Variants in ELAPOR1 observed in about 807,000 individuals in gnomAD.
ELAPOR1 encodes the protein endosome-lysosome associated apoptosis and autophagy regulator 1, also known as endosome/lysosome-associated apoptosis and autophagy regulator 1.
ELAPOR1 carries 77 observed loss-of-function variants against 119.7 expected under a neutral mutation model. The observed-to-expected ratio is 0.64, with a 90% CI of 0.54 to 0.78. The LOEUF is 0.78. ELAPOR1 is among the 30% of genes least tolerant of loss of function. ELAPOR1 has a pLI of 0.00. For synonymous variants in ELAPOR1, 481 were observed against 487.2 expected (o/e 0.99, Z 0.17); for missense variants, 1,115 against 1,270.4 (o/e 0.88, Z 1.86).
chr1:109,151,301 A>C (rs1650516963), intron 1 of ELAPOR1, among the ~76,000 whole-genome samples: 1 of 152,042 alleles, frequency 6.6e-6, no homozygotes, highest in Non-Finnish European at 1.5e-5. Context: ...GGCCCTATTG[A>C]GTCAGCAGTC....
At chr1:109,181,730 T>C (rs557330879) in intron 7 of ELAPOR1, among the ~76,000 whole-genome samples, 1 of 152,304 alleles carries the variant, frequency 6.6e-6, no homozygotes, top group South Asian at 2.1e-4. Flanking sequence ...CATGGGTCCC[T>C]CTGTGCTGAA....
chr1:109,139,827 A>G (rs559414389), intron 1 of ELAPOR1, among the ~76,000 whole-genome samples: 4 of 151,958 alleles, frequency 2.6e-5, no homozygotes, highest in East Asian at 1.9e-4. Context: ...GCTGGAGTGC[A>G]GTGGCATGAT....
At chr1:109,160,115 T>C (rs1421253332) in intron 1 of ELAPOR1, among the ~76,000 whole-genome samples, 4 of 152,084 alleles carry the variant, frequency 2.6e-5, no homozygotes, top group Admixed American at 6.6e-5. Context: ...GACATCTACA[T>C]CCAAAGCCAA....
intron 1 of ELAPOR1, among the ~76,000 whole-genome samples, chr1:109,118,274 G>A (rs1037492990): frequency 4.4e-4 from 67 of 152,296 alleles, no homozygotes; most frequent in Middle Eastern, 3.4e-3. Context: ...TTGACGAAAG[G>A]TCCACATGTG....
chr1:109,124,120 A>G (rs1455109068), intron 1 of ELAPOR1, among the ~76,000 whole-genome samples: 2 of 152,216 alleles, frequency 1.3e-5, no homozygotes, highest in African/African-American at 4.8e-5. Flanking sequence ...GTAATTATCC[A>G]TAAGTGTGTT....
chr1:109,158,480 C>T (rs944486305), intron 1 of ELAPOR1, among the ~76,000 whole-genome samples: 1 of 151,996 alleles, frequency 6.6e-6, no homozygotes, highest in African/African-American at 2.4e-5. Flanking sequence ...TTTCCTCTTC[C>T]TTCTCATGTG....
intron 1 of ELAPOR1, among the ~76,000 whole-genome samples, chr1:109,143,866 G>A (rs889815316): frequency 1.3e-5 from 2 of 150,860 alleles, no homozygotes; most frequent in Non-Finnish European, 3.0e-5. Flanking sequence ...TCGCCATGTT[G>A]CCCAGGCTGA....
chr1:109,188,334 G>T lies in ELAPOR1; in HGVS notation c.1199G>T (p.Gly400Val). The change falls in exon 9 of 22, where the codon GGT becomes GTT. Residue 400 changes from glycine (G) to valine (V), a missense_variant. Gly to Val is a moderately radical substitution (Grantham distance 109, BLOSUM62 -3). Coordinates refer to ENST00000369939, the MANE Select transcript of ELAPOR1 (RefSeq NM_020775.5). ...NNSTCQPCPY[G>V]SYSNGSDCTR... ...AGCACCTGCCAGCCCTGCCCATATG[G>T]TTCCTACTCCAATGGCTCAGGTAAC... 2 of 1,613,088 alleles carry T rather than the reference G, an allele frequency of 1.2e-6. No homozygotes were observed. Among genetic ancestry groups the T allele is most frequent in the Non-Finnish European group, 1.7e-6 (2 of 1,179,168 alleles).
At position 109,191,847 on chromosome 1, in the gene ELAPOR1, C is replaced by T; in HGVS notation, c.1667C>T (p.Thr556Ile). ...AGCTTCACCTGGGCCTTCCAGAGGA[C>T]CACTTTTCATGAGGCAGTAAGTTCC... ...TTSFTWAFQR[T>I]TFHEASRKYT... is the part of the protein sequence containing the mutation. Residue 556 changes from threonine (T) to isoleucine (I), a missense_variant, in exon 13 of 22, where the codon ACC becomes ATC. Physicochemically the swap from Thr to Ile is moderately conservative, Grantham distance 89. Transcript: ENST00000369939. 4 of 1,614,196 alleles carry T rather than the reference C, an allele frequency of 2.5e-6. No homozygotes were observed. Among genetic ancestry groups the T allele is most frequent in the Non-Finnish European group, 3.4e-6 (4 of 1,180,014 alleles).
At chr1:109,125,518 G>A (rs1465002278) in intron 1 of ELAPOR1, among the ~76,000 whole-genome samples, 3 of 151,740 alleles carry the variant, frequency 2.0e-5, no homozygotes, top group Admixed American at 1.3e-4. Context: ...TCAGCCTCCC[G>A]AGTAACTGGG....
chr1:109,171,183 T>C (rs1390426981), intron 3 of ELAPOR1, among the ~76,000 whole-genome samples: 1 of 152,172 alleles, frequency 6.6e-6, no homozygotes. Context: ...TTTCCTCTTA[T>C]TGATGAAAAT....
chr1:109,188,360 C>T lies in ELAPOR1; in HGVS notation c.1219+6C>T. ...TTCCTACTCCAATGGCTCAGGTAAC[C>T]TCCTCACCACCCCACTCTCTGCAGC... On this transcript the variant is annotated splice_donor_region_variant and intron_variant, in intron 9 of 21. Coordinates refer to ENST00000369939, the MANE Select transcript of ELAPOR1 (RefSeq NM_020775.5). 6.2e-7 allele frequency: 1 copy of T among 1,605,898 alleles called. No homozygotes were observed. Among genetic ancestry groups the T allele is most frequent in the East Asian group, 2.2e-5 (1 of 44,662 alleles).
At chr1:109,194,682 A>C (rs1041007905) in intron 15 of ELAPOR1, 88 bp downstream of exon 15, 2 of 1,302,242 alleles carry the variant, frequency 1.5e-6, no homozygotes, top group African/African-American at 2.9e-5. Context: ...AAAACCAGAA[A>C]TCCTTCAGGT....
chr1:109,200,137 A>G lies in ELAPOR1; in HGVS notation c.2707A>G (p.Lys903Glu). The G allele has an allele frequency of 1.9e-6, 3 of 1,614,242 alleles. No individual in the cohort carries two copies. The Admixed American group carries it at 5.0e-5, about 27-fold the overall frequency. The change falls in exon 20 of 22, where the codon AAA (lysine) becomes GAA (glutamate). Residue 903 changes from lysine to glutamate, a missense_variant. Physicochemically the swap from Lys to Glu is moderately conservative, Grantham distance 56. Transcript: ENST00000369939. The stretch of plus-strand genomic sequence containing the variant: ...GCCTGAGCAGAGAGTCACCATCTGC[A>G]AAACCATAGATTTCTGGCTGAAAGT... The part of the protein sequence containing the change: ...SLPEQRVTIC[K>E]TIDFWLKVGI...
chr1:109,115,450 T>A (rs1332028175), intron 1 of ELAPOR1, among the ~76,000 whole-genome samples: 2 of 152,330 alleles, frequency 1.3e-5, no homozygotes, highest in African/African-American at 4.8e-5. Flanking sequence ...TTAAAAAATA[T>A]ATGTTTTAAA....
chr1:109,164,691 C>G lies in ELAPOR1; in HGVS notation c.467C>G (p.Ser156Trp), dbSNP rs138658561. The change falls in exon 3 of 22, where the codon TCG becomes TGG. Residue 156 changes from serine (S) to tryptophan (W), a missense_variant and splice_region_variant. Physicochemically the swap from Ser to Trp is radical, Grantham distance 177. Coordinates refer to ENST00000369939, the MANE Select transcript of ELAPOR1 (RefSeq NM_020775.5). ...GCTGAGTCCACCGGGAACTGTACTT[C>G]GTGAGTCTGCACACACCCCCACCCC... ...SAAESTGNCT[S>W]SKWVPRGDYI... is the part of the protein sequence containing the mutation. The G allele has an allele frequency of 6.2e-7, 1 of 1,612,446 alleles. No individual in the cohort carries two copies. Among genetic ancestry groups the G allele is most frequent in the Non-Finnish European group, 8.5e-7 (1 of 1,178,986 alleles).
chr1:109,130,895 C>T (rs1057249680), intron 1 of ELAPOR1, among the ~76,000 whole-genome samples: 5 of 152,190 alleles, frequency 3.3e-5, no homozygotes, highest in Admixed American at 6.5e-5. Flanking sequence ...CTCAGCTACT[C>T]GGGAGGCTGA....
Position 109,198,069 on chromosome 1 carries a change from T to G in ELAPOR1, c.2393T>G (p.Phe798Cys). 6.2e-7 allele frequency: 1 copy of G among 1,611,474 alleles called. No homozygotes were observed. The highest frequency in any genetic ancestry group is 1.3e-5 in the African/African-American group (1 of 74,986). ...ESLGIPDVIF[F>C]YRSNDVTQSC... ...TTGGGAATACCGGACGTGATCTTCTTTTATAGGTGAAGATGAGAGGCTAGG... is the reference window on the plus strand; with the variant it reads ...TTGGGAATACCGGACGTGATCTTCTGTTATAGGTGAAGATGAGAGGCTAGG... The change falls in exon 17 of 22, where the codon TTT becomes TGT. Residue 798 changes from phenylalanine to cysteine, a missense_variant. Coordinates refer to ENST00000369939, the MANE Select transcript of ELAPOR1 (RefSeq NM_020775.5).
Position 109,200,835 on chromosome 1 carries a change from G to A in ELAPOR1, c.2908G>A (p.Glu970Lys), listed in dbSNP as rs748162548. ...SCAIMEGEDVEDDLIFTSKKS... is the reference protein window; with the variant it reads ...SCAIMEGEDVKDDLIFTSKKS... ...CGCCATCATGGAAGGCGAGGATGTA[G>A]AGGACGACCTCATCTTTACCAGCAA... The change falls in exon 21 of 22, where the codon GAG (glutamate) becomes AAG (lysine). Residue 970 changes from glutamate (E) to lysine (K), a missense_variant. Transcript: ENST00000369939. The A allele has an allele frequency of 6.2e-7, 1 of 1,614,234 alleles. No homozygotes were observed. The highest frequency in any genetic ancestry group is 1.1e-5 in the South Asian group (1 of 91,084).
Sources: gnomAD v4.1 joint callset for allele counts (sites outside exome capture counted in the v4.1 genomes callset) on GRCh38, gnomAD v4.1.1 for gene constraint, MANE v1.5 for transcripts, NCBI Gene and HGNC (gene_info 2026-07-23, HGNC 2026-07-21) for gene names.